Variants in ROBO2 observed in about 807,000 individuals in gnomAD.
The protein encoded by ROBO2 is roundabout homolog 2.
Under a neutral mutation model 160.8 loss-of-function variants are expected in ROBO2, and 53 were observed. The ratio of observed to expected loss-of-function variants is 0.33; its 90% confidence interval spans 0.26 to 0.41. ROBO2 has a LOEUF of 0.41. ROBO2 is among the 10% of genes least tolerant of loss of function. The pLI, the probability that ROBO2 is intolerant of heterozygous loss-of-function variation, is 1.00. For missense variants in ROBO2, 1,577 were observed against 1,722.4 expected, an observed-to-expected ratio of 0.92 and a Z score of 1.49; for synonymous variants, 664 against 611.7, an observed-to-expected ratio of 1.09 and a Z score of -1.26.
chr3:77,382,254 A>T (rs2073576064), intron 2 of ROBO2, among the ~76,000 whole-genome samples: 1 of 152,120 alleles, frequency 6.6e-6, no homozygotes, highest in African/African-American at 2.4e-5. Context: ...TTTGTGTTTA[A>T]GAATTGAGAA....
chr3:76,537,393 A>C (rs549488094), intron 2 of ROBO2, among the ~76,000 whole-genome samples: 17 of 152,244 alleles, frequency 1.1e-4, no homozygotes, highest in African/African-American at 3.1e-4. Context: ...TATTGCAGAA[A>C]AATAAGACGT....
chr3:76,497,983 C>G (rs1316340890), intron 2 of ROBO2, among the ~76,000 whole-genome samples: 1 of 152,198 alleles, frequency 6.6e-6, no homozygotes, highest in Admixed American at 6.5e-5. Flanking sequence ...TATTTGTCTT[C>G]ACAACTTATC....
intron 2 of ROBO2, among the ~76,000 whole-genome samples, chr3:76,158,603 G>A (rs560263661): frequency 6.6e-6 from 1 of 152,206 alleles, no homozygotes; most frequent in African/African-American, 2.4e-5. Flanking sequence ...GGTGGGGTTG[G>A]GGGAGAGAGG....
chr3:76,269,306 C>A (rs947769460), intron 2 of ROBO2, among the ~76,000 whole-genome samples: 1 of 151,964 alleles, frequency 6.6e-6, no homozygotes, highest in Non-Finnish European at 1.5e-5. Context: ...ACTAGGTACT[C>A]ATACAACTTA....
chr3:77,323,654 A>G (rs982785710), intron 2 of ROBO2, among the ~76,000 whole-genome samples: 4 of 152,130 alleles, frequency 2.6e-5, no homozygotes, highest in Non-Finnish European at 5.9e-5. Flanking sequence ...TCTTAGATAA[A>G]TGGGCAATGT....
intron 2 of ROBO2, among the ~76,000 whole-genome samples, chr3:76,304,046 T>A (rs1225985749): frequency 6.6e-6 from 1 of 152,268 alleles, no homozygotes; most frequent in Non-Finnish European, 1.5e-5. Flanking sequence ...AGGTAGATAT[T>A]TCAATTAACC....
At chr3:76,037,610 C>A (rs1215336396) in intron 2 of ROBO2, among the ~76,000 whole-genome samples, 1 of 151,944 alleles carries the variant, frequency 6.6e-6, no homozygotes, top group Non-Finnish European at 1.5e-5. Flanking sequence ...AAAATGTTTT[C>A]TGTGTATCAA....
intron 2 of ROBO2, among the ~76,000 whole-genome samples, chr3:77,127,946 T>C (rs1457671071): frequency 1.3e-5 from 2 of 152,206 alleles, no homozygotes; most frequent in African/African-American, 4.8e-5. Context: ...ATGTAAGGCC[T>C]CAGACAAATT....
intron 2 of ROBO2, among the ~76,000 whole-genome samples, chr3:77,015,039 T>C (rs1208949841): frequency 1.4e-5 from 2 of 145,296 alleles, no homozygotes; most frequent in Non-Finnish European, 3.0e-5. Flanking sequence ...GTTCAACTTG[T>C]AAAAAAAAAA....
intron 2 of ROBO2, among the ~76,000 whole-genome samples, chr3:77,012,456 A>G (rs2061978938): frequency 6.6e-6 from 1 of 152,212 alleles, no homozygotes; most frequent in Admixed American, 6.5e-5. Context: ...CCATCAAACC[A>G]ATTCGAATAA....
At chr3:77,043,819 ATGTTTT>A (rs1294013553) in intron 1 of ROBO2, among the ~76,000 whole-genome samples, 20 of 152,290 alleles carry the variant, frequency 1.3e-4, no homozygotes, top group African/African-American at 4.8e-4. Flanking sequence ...TAAAATGAGA[ATGTTTT>A]TCTCATCTTT....
At position 77,433,499 on chromosome 3, in the gene ROBO2, T is replaced by C. The variant is rs1157783806; in HGVS notation, c.389-43915T>C. Among the ~76,000 whole-genome samples, 50 of 110,340 alleles carry C rather than the reference T, an allele frequency of 4.5e-4. 2 individuals are homozygous for C. The highest frequency in any genetic ancestry group is 8.8e-3 in the Middle Eastern group (2 of 226). 72.4% of individuals were successfully genotyped at this position (110,340 alleles called of 152,430 possible). On this transcript the variant is annotated intron_variant, in intron 2 of 25. Coordinates refer to ENST00000461745, the Ensembl canonical transcript of ROBO2. ...CTCTGGCAACTTGTATATATATATA[T>C]ATATATATATATATATATATTTCTC...
At chr3:76,347,611 TA>T (rs943411560) in intron 2 of ROBO2, among the ~76,000 whole-genome samples, 3 of 152,036 alleles carry the variant, frequency 2.0e-5, no homozygotes, top group Non-Finnish European at 4.4e-5. Context: ...AACTTATTTA[TA>T]ATCTTATACT....
At chr3:77,375,055 T>C (rs2072436428) in intron 2 of ROBO2, among the ~76,000 whole-genome samples, 1 of 152,002 alleles carries the variant, frequency 6.6e-6, no homozygotes, top group Non-Finnish European at 1.5e-5. Context: ...CAAAAAGTTT[T>C]TGAAAAATGA....
chr3:76,696,785 C>A (rs1050890256), intron 2 of ROBO2, among the ~76,000 whole-genome samples: 7 of 152,232 alleles, frequency 4.6e-5, no homozygotes, highest in Admixed American at 3.3e-4. Flanking sequence ...CATAGCTTGC[C>A]GATTTCCACT....
chr3:76,115,706 A>G (rs181401882), intron 2 of ROBO2, among the ~76,000 whole-genome samples: 57 of 152,240 alleles, frequency 3.7e-4, no homozygotes, highest in African/African-American at 1.3e-3. Flanking sequence ...TGTTTTCTCA[A>G]TGTTTCTTTG....
chr3:77,273,512 A>G (rs1469194417), intron 2 of ROBO2, among the ~76,000 whole-genome samples: 1 of 152,148 alleles, frequency 6.6e-6, no homozygotes, highest in Non-Finnish European at 1.5e-5. Context: ...GCTGGTACTG[A>G]AGTGTAGATG....
rs149920494 is a variant in ROBO2 at position 77,011,231 on chromosome 3, A to G, written c.110-86783A>G. On this transcript the variant is annotated intron_variant, in intron 2 of 26. Coordinates refer to the ROBO2 transcript ENST00000487694. The stretch of plus-strand genomic sequence containing the variant: ...TGTTTATATACAGAAAGTAAGCCCA[A>G]TGAATGTAGGAATATAGTGTGTTTT... Among the ~76,000 whole-genome samples, 339 of 150,806 alleles carry G rather than the reference A, an allele frequency of 2.2e-3. 4 individuals are homozygous for G. The highest frequency in any genetic ancestry group is 0.01 in the South Asian group (50 of 4,794).
chr3:76,464,209 A>G (rs913216828), intron 2 of ROBO2, among the ~76,000 whole-genome samples: 17 of 152,158 alleles, frequency 1.1e-4, no homozygotes, highest in African/African-American at 4.1e-4. Flanking sequence ...TTTGGCATAC[A>G]AATTTTCTTT....
Sources: gnomAD v4.1 joint callset for allele counts (sites outside exome capture counted in the v4.1 genomes callset) on GRCh38, gnomAD v4.1.1 for gene constraint, MANE v1.5 for transcripts, NCBI Gene and HGNC (gene_info 2026-07-23, HGNC 2026-07-21) for gene names.